Variants in COMMD10 observed in about 807,000 individuals in gnomAD.
COMMD10 encodes COMM domain-containing protein 10.
In COMMD10, 33 loss-of-function variants were observed where a neutral mutation model predicts 28.9. The ratio of observed to expected loss-of-function variants is 1.14; its 90% CI spans 0.87 to 1.53. The LOEUF is 1.53. Among genes scored for constraint, COMMD10 ranks in the 40% most tolerant of loss-of-function variants. The pLI is 0.00. For synonymous variants in COMMD10, 110 were observed against 81.7 expected (o/e 1.35, Z -1.87); for missense variants, 310 against 233.4 (o/e 1.33, Z -2.14).
intron 5 of COMMD10, among the ~76,000 whole-genome samples, chr5:116,279,716 T>C (rs1751015844): frequency 6.6e-6 from 1 of 151,902 alleles, no homozygotes; most frequent in South Asian, 2.1e-4. Context: ...GCATTGATGT[T>C]TGTAAAATGC....
chr5:116,178,423 A>G (rs1004813227), intron 5 of COMMD10, among the ~76,000 whole-genome samples: 3 of 152,148 alleles, frequency 2.0e-5, no homozygotes, highest in African/African-American at 7.2e-5. Flanking sequence ...ATTACATTAC[A>G]TATTTGGAGT....
At chr5:116,178,564 A>C (rs549710983) in intron 5 of COMMD10, among the ~76,000 whole-genome samples, 20 of 152,254 alleles carry the variant, frequency 1.3e-4, no homozygotes, top group Admixed American at 1.2e-3. Flanking sequence ...GTGCATAACT[A>C]TAATAACGGG....
chr5:116,178,828 G>GATGGC lies in COMMD10; in HGVS notation c.510+44651_510+44655dup, dbSNP rs1440170593. ...GAAGTGGTTAGCTGTAGTTGATGCA[G>GATGGC]ATGGCCACTAGAATGTATTCATATA... On this transcript the variant is annotated intron_variant, in intron 5 of 6. Coordinates refer to ENST00000274458, the MANE Select transcript of COMMD10 (RefSeq NM_016144.4). Among the ~76,000 whole-genome samples the GATGGC allele has an allele frequency of 3.3e-5, 5 of 152,218 alleles. No homozygotes were observed. The East Asian group carries it at 9.7e-4, about 29-fold the overall frequency.
intron 5 of COMMD10, among the ~76,000 whole-genome samples, chr5:116,201,270 C>G (rs1402521713): frequency 6.6e-6 from 1 of 152,136 alleles, no homozygotes; most frequent in Non-Finnish European, 1.5e-5. Flanking sequence ...AATGGCGTGT[C>G]CTTTCCTTTG....
At chr5:116,254,000 T>C (rs1414612048) in intron 5 of COMMD10, among the ~76,000 whole-genome samples, 3 of 152,202 alleles carry the variant, frequency 2.0e-5, no homozygotes, top group Admixed American at 6.5e-5. Flanking sequence ...TTTCAGAGAT[T>C]GAACTTCTTC....
At chr5:116,111,617 T>A (rs11950936) in intron 4 of COMMD10, among the ~76,000 whole-genome samples, 77,960 of 151,990 alleles carry the variant, frequency 0.51, 22,277 homozygotes, top group Non-Finnish European at 0.65. Flanking sequence ...ATTGGTTTTA[T>A]TCTACTGTGG....
chr5:116,120,900 T>C lies in COMMD10; in HGVS notation c.400-13168T>C, dbSNP rs1262233566. Among the ~76,000 whole-genome samples the C allele has an allele frequency of 2.9e-4, 44 of 152,176 alleles. 1 individual carries two copies. The highest frequency in any genetic ancestry group is 2.9e-3 in the Admixed American group (44 of 15,272). On this transcript the variant is annotated intron_variant, in intron 4 of 6. Transcript: ENST00000274458. ...AATGTTTATCTGTGATTAACATTTA[T>C]GTATATGTTTTGTATGTTTTTGTAT...
At chr5:116,250,163 C>A (rs556266402) in intron 5 of COMMD10, among the ~76,000 whole-genome samples, 1 of 148,100 alleles carries the variant, frequency 6.8e-6, no homozygotes, top group African/African-American at 2.6e-5. Context: ...CTAATTCAAT[C>A]GCTGTGATAC....
At chr5:116,108,927 G>A (rs984604684) in intron 4 of COMMD10, among the ~76,000 whole-genome samples, 2 of 152,072 alleles carry the variant, frequency 1.3e-5, no homozygotes, top group African/African-American at 4.8e-5. Context: ...AGTCTCTTAC[G>A]GCTTCCCTTG....
At chr5:116,109,150 G>A (rs541886596) in intron 4 of COMMD10, among the ~76,000 whole-genome samples, 1 of 152,314 alleles carries the variant, frequency 6.6e-6, no homozygotes, top group East Asian at 1.9e-4. Context: ...TGGCCGTCTT[G>A]CCAGCATATC....
intron 5 of COMMD10, among the ~76,000 whole-genome samples, chr5:116,223,389 A>G (rs952390574): frequency 5.3e-5 from 8 of 152,130 alleles, no homozygotes; most frequent in African/African-American, 1.9e-4. Flanking sequence ...ATGGCTATCT[A>G]TATTTTATTT....
chr5:116,241,999 G>T (rs1749828323), intron 5 of COMMD10, among the ~76,000 whole-genome samples: 1 of 152,116 alleles, frequency 6.6e-6, no homozygotes, highest in Non-Finnish European at 1.5e-5. Flanking sequence ...AATAGTTTCT[G>T]TCTTACATTA....
intron 5 of COMMD10, among the ~76,000 whole-genome samples, chr5:116,162,096 A>G (rs1426541514): frequency 2.0e-5 from 3 of 152,258 alleles, no homozygotes; most frequent in Non-Finnish European, 4.4e-5. Context: ...ACAAGAAAAT[A>G]TGAAAATTAT....
In COMMD10 at chr5:116,271,563, G is replaced by T. The variant is rs1459503611; in HGVS notation, c.511-19954G>T. Among the ~76,000 whole-genome samples, 3 of 151,632 alleles carry T rather than the reference G, an allele frequency of 2.0e-5. 1 individual carries two copies. The highest frequency in any genetic ancestry group is 4.9e-5 in the African/African-American group (2 of 41,080). On this transcript the variant is annotated intron_variant, in intron 5 of 6. Transcript: ENST00000274458. ...CCAGACTGAGAGCATGACGACTAATGTGGTTTTTACTCCTAAGCTACCAGT... is the reference window on the plus strand; with the variant it reads ...CCAGACTGAGAGCATGACGACTAATTTGGTTTTTACTCCTAAGCTACCAGT...
At chr5:116,237,169 T>C (rs6861593) in intron 5 of COMMD10, among the ~76,000 whole-genome samples, 8,028 of 152,110 alleles carry the variant, frequency 0.053, 300 homozygotes, top group African/African-American at 0.11. Flanking sequence ...GTCTCTGATA[T>C]GTTTGATGAA....
intron 5 of COMMD10, among the ~76,000 whole-genome samples, chr5:116,263,812 C>G (rs970698261): frequency 1.3e-5 from 2 of 151,694 alleles, no homozygotes; most frequent in African/African-American, 2.4e-5. Context: ...TTTCTTAAAT[C>G]TATTTGATTG....
At position 116,123,254 on chromosome 5, in the gene COMMD10, A is replaced by G. The variant is rs149885701; in HGVS notation, c.400-10814A>G. On this transcript the variant is annotated intron_variant, in intron 4 of 6. Coordinates refer to ENST00000274458, the MANE Select transcript of COMMD10 (RefSeq NM_016144.4). The stretch of plus-strand genomic sequence containing the variant: ...ATACCTCTAATACCATCGATACCTA[A>G]TTTATTGAGTGATTTTAGCATGAAG... 6.7e-3 allele frequency among the ~76,000 whole-genome samples: 1,018 copies of G among 152,190 alleles called. 16 individuals are homozygous for G. Among genetic ancestry groups the G allele is most frequent in the African/African-American group, 0.023 (975 of 41,540 alleles).
chr5:116,144,695 C>T (rs913793288), intron 5 of COMMD10, among the ~76,000 whole-genome samples: 5 of 151,782 alleles, frequency 3.3e-5, no homozygotes, highest in African/African-American at 1.2e-4. Context: ...GTAAAATGGA[C>T]TTCTCTGATA....
chr5:116,230,713 C>G (rs765179315), intron 5 of COMMD10, among the ~76,000 whole-genome samples: 1 of 152,036 alleles, frequency 6.6e-6, no homozygotes, highest in Non-Finnish European at 1.5e-5. Context: ...CAGCCCCCAC[C>G]TCAACTATAT....
Sources: gnomAD v4.1 joint callset for allele counts (sites outside exome capture counted in the v4.1 genomes callset) on GRCh38, gnomAD v4.1.1 for gene constraint, MANE v1.5 for transcripts, NCBI Gene and HGNC (gene_info 2026-07-23, HGNC 2026-07-21) for gene names.